The following WWOX variants were observed in gnomAD, a reference collection of about 807,000 sequenced individuals.
The protein encoded by WWOX is WW domain-containing oxidoreductase.
In WWOX, 69 loss-of-function variants were observed where a neutral mutation model predicts 46.2. That is an observed-to-expected ratio of 1.49 (90% CI 1.23 to 1.82). The LOEUF (loss-of-function observed/expected upper bound fraction) is 1.82. Ranked by LOEUF, WWOX falls within the 40% of genes most tolerant of loss-of-function variation. The pLI is 0.00. For missense variants in WWOX, 919 were observed against 542.6 expected, an observed-to-expected ratio of 1.69 and a Z score of -6.89; for synonymous variants, 359 against 202.6, an observed-to-expected ratio of 1.77 and a Z score of -6.56.
intron 8 of WWOX, among the ~76,000 whole-genome samples, chr16:78,579,190 G>C (rs189744321): frequency 6.6e-6 from 1 of 152,134 alleles, no homozygotes; most frequent in Admixed American, 6.5e-5. Flanking sequence ...CCTATTTGTG[G>C]GTGTTACTTT....
At chr16:78,914,828 A>T (rs558989242) in intron 8 of WWOX, among the ~76,000 whole-genome samples, 1 of 144,490 alleles carries the variant, frequency 6.9e-6, no homozygotes, top group South Asian at 2.3e-4. Context: ...GCAGTGAGCC[A>T]GGATCGCGCC....
intron 8 of WWOX, among the ~76,000 whole-genome samples, chr16:78,620,376 C>G (rs200468146): frequency 6.6e-6 from 1 of 152,180 alleles, no homozygotes; most frequent in East Asian, 1.9e-4. Context: ...TGACAAGTTT[C>G]CTCCAACAGA....
At chr16:78,951,769 C>G (rs57934395) in intron 8 of WWOX, among the ~76,000 whole-genome samples, 1 of 151,936 alleles carries the variant, frequency 6.6e-6, no homozygotes, top group Non-Finnish European at 1.5e-5. Flanking sequence ...CACATACTTA[C>G]AGTTGTGAAG....
At chr16:78,353,331 A>G (rs943626851) in intron 5 of WWOX, among the ~76,000 whole-genome samples, 2 of 152,224 alleles carry the variant, frequency 1.3e-5, no homozygotes, top group Admixed American at 1.3e-4. Context: ...CACTGTGCAG[A>G]AATATTGGCC....
chr16:78,824,952 T>A (rs2051607729), intron 8 of WWOX, among the ~76,000 whole-genome samples: 2 of 152,196 alleles, frequency 1.3e-5, no homozygotes, highest in Non-Finnish European at 2.9e-5. Context: ...GTTGTTTTCA[T>A]TCCTGGTAGT....
At chr16:78,753,955 C>G (rs1209798528) in intron 8 of WWOX, among the ~76,000 whole-genome samples, 1 of 148,232 alleles carries the variant, frequency 6.7e-6, no homozygotes, top group African/African-American at 2.5e-5. Context: ...GGAATTCTGT[C>G]TAACACAATC....
intron 5 of WWOX, chr16:78,355,609 A>C (rs1014479994): frequency 1.8e-6 from 1 of 560,436 alleles, no homozygotes; most frequent in Non-Finnish European, 3.5e-6. Context: ...CAGAGGAGCG[A>C]ATTTGTGTGA....
intron 8 of WWOX, among the ~76,000 whole-genome samples, chr16:78,734,142 A>G (rs1288252245): frequency 6.6e-6 from 1 of 152,160 alleles, no homozygotes; most frequent in Admixed American, 6.5e-5. Flanking sequence ...AACTAAAGCA[A>G]AAGAGTAGTA....
chr16:79,177,134 T>A (rs931533517), intron 8 of WWOX, among the ~76,000 whole-genome samples: 1 of 152,200 alleles, frequency 6.6e-6, no homozygotes, highest in African/African-American at 2.4e-5. Flanking sequence ...GAGGCACTGT[T>A]TTCCCCTTCG....
At position 78,678,232 on chromosome 16, in the gene WWOX, T is replaced by C. The variant is rs115873318; in HGVS notation, c.1056+245480T>C. 3.8e-3 allele frequency among the ~76,000 whole-genome samples: 584 copies of C among 152,222 alleles called. 4 individuals are homozygous for C. Among genetic ancestry groups the C allele is most frequent in the African/African-American group, 0.013 (548 of 41,558 alleles). Reference sequence around the variant, plus strand: ...CTTAATGAAAAGTGAGTGAATGGGCTGGGTGTGGTGGGTCACACCTGTAAT... The same window carrying C: ...CTTAATGAAAAGTGAGTGAATGGGCCGGGTGTGGTGGGTCACACCTGTAAT... On this transcript the variant is annotated intron_variant, in intron 8 of 8. Coordinates refer to ENST00000566780, the MANE Select transcript of WWOX (RefSeq NM_016373.4).
At chr16:78,275,360 G>C (rs2079558056) in intron 5 of WWOX, among the ~76,000 whole-genome samples, 1 of 152,142 alleles carries the variant, frequency 6.6e-6, no homozygotes, top group Admixed American at 6.6e-5. Flanking sequence ...GTTGGATGAT[G>C]GGGCTTGTGC....
chr16:78,647,451 G>A (rs114102983), intron 8 of WWOX, among the ~76,000 whole-genome samples: 320 of 152,260 alleles, frequency 2.1e-3, no homozygotes, highest in African/African-American at 7.5e-3. Flanking sequence ...CCATGATCAT[G>A]GACCCGTTCA....
At chr16:79,168,799 C>T (rs573893337) in intron 8 of WWOX, among the ~76,000 whole-genome samples, 7 of 152,154 alleles carry the variant, frequency 4.6e-5, no homozygotes, top group Non-Finnish European at 8.8e-5. Flanking sequence ...TTGTATCCAG[C>T]TGAGATCCAG....
At chr16:78,884,548 G>T (rs897490155) in intron 8 of WWOX, among the ~76,000 whole-genome samples, 2 of 152,136 alleles carry the variant, frequency 1.3e-5, no homozygotes, top group Non-Finnish European at 2.9e-5. Flanking sequence ...CAACAATGTG[G>T]ATTTATCTTA....
At chr16:78,738,257 C>T (rs2049134988) in intron 8 of WWOX, among the ~76,000 whole-genome samples, 1 of 152,018 alleles carries the variant, frequency 6.6e-6, no homozygotes, top group Non-Finnish European at 1.5e-5. Context: ...GATAATTTTT[C>T]CCCTTTCTAA....
At chr16:78,456,166 G>T (rs866090162) in intron 8 of WWOX, among the ~76,000 whole-genome samples, 1 of 152,182 alleles carries the variant, frequency 6.6e-6, no homozygotes, top group African/African-American at 2.4e-5. Flanking sequence ...AGCCTCTGTT[G>T]GCCCCAGGTT....
Position 78,278,595 on chromosome 16 carries a change from T to C in WWOX, c.517-108265T>C, listed in dbSNP as rs372383232. 2.6e-5 allele frequency: 41 copies of C among 1,607,350 alleles called. 1 individual carries two copies. The highest frequency in any genetic ancestry group is 3.5e-5 in the Non-Finnish European group (41 of 1,175,184). ...TTTACACAACTGTCTTTTGTTTGTATCTTACAGAAAACAAAATACCACCCT... is the reference window on the plus strand; with the variant it reads ...TTTACACAACTGTCTTTTGTTTGTACCTTACAGAAAACAAAATACCACCCT... On this transcript the variant is annotated intron_variant, in intron 5 of 8. Coordinates refer to ENST00000566780, the MANE Select transcript of WWOX (RefSeq NM_016373.4).
chr16:78,717,145 T>A (rs749355141), intron 8 of WWOX, among the ~76,000 whole-genome samples: 4 of 152,208 alleles, frequency 2.6e-5, no homozygotes, highest in Non-Finnish European at 5.9e-5. Context: ...AGGTGCTCTG[T>A]GTAAATCTAG....
At chr16:78,465,192 G>T (rs1177499731) in intron 8 of WWOX, among the ~76,000 whole-genome samples, 1 of 152,182 alleles carries the variant, frequency 6.6e-6, no homozygotes, top group African/African-American at 2.4e-5. Flanking sequence ...AGATTTGGGT[G>T]GGGACACAGA....
Sources: allele counts gnomAD v4.1 joint callset (sites outside exome capture counted in the v4.1 genomes callset), GRCh38; gene constraint gnomAD v4.1.1; transcripts MANE v1.5; gene names NCBI Gene and HGNC (gene_info 2026-07-23, HGNC 2026-07-21).